The following RYR3 variants were observed in gnomAD, a reference collection of about 807,000 sequenced individuals.
The protein encoded by RYR3 is brain ryanodine receptor-calcium release channel.
In RYR3, 207 loss-of-function variants were observed where a neutral mutation model predicts 584.3. The observed-to-expected ratio is 0.35, with a 90% CI of 0.32 to 0.40. The LOEUF is 0.40. RYR3 is among the 10% of genes least tolerant of loss of function. RYR3 has a pLI of 1.00. For synonymous variants in RYR3, 2,416 were observed against 2,248.5 expected (o/e 1.07, Z -2.11); for missense variants, 5,616 against 6,089.2 (o/e 0.92, Z 2.59).
At chr15:33,865,092 T>G (rs1176738454) in intron 103 of RYR3, 39 bp from the exon 104 acceptor site, 7 of 1,516,364 alleles carry the variant, frequency 4.6e-6, no homozygotes, top group African/African-American at 1.4e-5. Context: ...GCTTTTACTG[T>G]GGTTTAAAAA....
chr15:33,659,293 G>A (rs1014345632), intron 32 of RYR3, among the ~76,000 whole-genome samples: 3 of 152,216 alleles, frequency 2.0e-5, no homozygotes, highest in African/African-American at 7.2e-5. Flanking sequence ...CCCTATCCCA[G>A]TTATCATCTC....
chr15:33,616,007 T>C (rs2060430100), intron 19 of RYR3, among the ~76,000 whole-genome samples: 1 of 152,208 alleles, frequency 6.6e-6, no homozygotes. Context: ...ACAAGGTTAC[T>C]CTGAGTAGTC....
intron 67 of RYR3, among the ~76,000 whole-genome samples, chr15:33,790,244 C>T (rs1189747675): frequency 6.6e-6 from 1 of 151,906 alleles, no homozygotes; most frequent in Non-Finnish European, 1.5e-5. Flanking sequence ...CCACCCACCT[C>T]GACCTCCCAA....
intron 5 of RYR3, among the ~76,000 whole-genome samples, chr15:33,536,858 C>G (rs2055376195): frequency 6.6e-6 from 1 of 152,152 alleles, no homozygotes; most frequent in Non-Finnish European, 1.5e-5. Context: ...GTATTGTTTA[C>G]CACTTGTTTA....
At chr15:33,679,355 A>G (rs1467438388) in intron 38 of RYR3, among the ~76,000 whole-genome samples, 3 of 152,208 alleles carry the variant, frequency 2.0e-5, no homozygotes, top group African/African-American at 4.8e-5. Context: ...CTTACTCACC[A>G]TAGTGAGTAA....
chr15:33,793,435 C>T (rs1264766297), intron 67 of RYR3, among the ~76,000 whole-genome samples: 2 of 152,156 alleles, frequency 1.3e-5, no homozygotes, highest in Non-Finnish European at 2.9e-5. Context: ...TGTGCTTGGT[C>T]TTTCTGGTAA....
Position 33,390,744 on chromosome 15 carries a change from G to A in RYR3, c.51+79648G>A, listed in dbSNP as rs556063575. ...ATGCCGAACACCTGCTTAGTTCTGG[G>A]AATCTAGAAGAGCGGTACTTGCTAG... On this transcript the variant is annotated intron_variant, in intron 1 of 103. Transcript: ENST00000634891. The surrounding 1 kb of genome is among the most constrained non-coding windows in gnomAD (Gnocchi z 4.2). Among the ~76,000 whole-genome samples the A allele has an allele frequency of 6.6e-6, 1 of 152,240 alleles. No homozygotes were observed. Among genetic ancestry groups the A allele is most frequent in the East Asian group, 1.9e-4 (1 of 5,166 alleles).
chr15:33,542,507 A>C (rs1380064931), intron 7 of RYR3, among the ~76,000 whole-genome samples: 1 of 152,184 alleles, frequency 6.6e-6, no homozygotes, highest in Non-Finnish European at 1.5e-5. Context: ...CAGTACAAAA[A>C]GATACAGGAA....
intron 1 of RYR3, among the ~76,000 whole-genome samples, chr15:33,428,892 G>T (rs1054243807): frequency 6.6e-6 from 1 of 152,108 alleles, no homozygotes; most frequent in African/African-American, 2.4e-5. Context: ...AATATACCAG[G>T]TCCCCAAGTG....
intron 1 of RYR3, among the ~76,000 whole-genome samples, chr15:33,322,966 TG>T (rs1300104396): frequency 3.3e-5 from 5 of 150,768 alleles, no homozygotes; most frequent in East Asian, 2.0e-4. Flanking sequence ...GACAAGAGAG[TG>T]GTTAAGAGCT....
intron 1 of RYR3, among the ~76,000 whole-genome samples, chr15:33,425,177 C>T (rs1178388804): frequency 6.6e-6 from 1 of 152,120 alleles, no homozygotes; most frequent in African/African-American, 2.4e-5. Context: ...TGTTGAATAC[C>T]CAGTTGGTGT....
intron 1 of RYR3, among the ~76,000 whole-genome samples, chr15:33,378,201 T>G (rs1490649236): frequency 6.6e-6 from 1 of 152,258 alleles, no homozygotes; most frequent in Non-Finnish European, 1.5e-5. Flanking sequence ...GGCATTACTT[T>G]GAATTTGGAT....
Position 33,351,948 on chromosome 15 carries a change from T to C in RYR3, c.51+40852T>C, listed in dbSNP as rs906992969. On this transcript the variant is annotated intron_variant, in intron 1 of 103. Transcript: ENST00000634891. ...GAGAAGGAAATAAAGGGTATTCAAT[T>C]AGGAAAAAGAAGTCAAATTGTCCCT... 1.4e-4 allele frequency among the ~76,000 whole-genome samples: 21 copies of C among 152,052 alleles called. No homozygotes were observed. The East Asian group carries it at 4.1e-3, about 29-fold the overall frequency.
intron 67 of RYR3, among the ~76,000 whole-genome samples, chr15:33,792,284 G>A (rs998401545): frequency 6.6e-6 from 1 of 152,134 alleles, no homozygotes; most frequent in Non-Finnish European, 1.5e-5. Flanking sequence ...CATTTAGAGA[G>A]GAGAGGTGGA....
chr15:33,693,314 A>G (rs2065585247), intron 38 of RYR3, among the ~76,000 whole-genome samples: 1 of 152,208 alleles, frequency 6.6e-6, no homozygotes. Flanking sequence ...CCACCACTCC[A>G]GCAGCGCCCA....
intron 1 of RYR3, among the ~76,000 whole-genome samples, chr15:33,430,347 G>A (rs772441404): frequency 6.6e-6 from 1 of 152,192 alleles, no homozygotes; most frequent in Non-Finnish European, 1.5e-5. Context: ...GGCACATCGA[G>A]GCTATACATT....
chr15:33,442,372 A>G (rs1348825321), intron 1 of RYR3, among the ~76,000 whole-genome samples: 1 of 152,182 alleles, frequency 6.6e-6, no homozygotes, highest in Non-Finnish European at 1.5e-5. Flanking sequence ...ACCTTTGAGC[A>G]TGTTTGCTTA....
chr15:33,574,002 A>T (rs2058167594), intron 12 of RYR3, among the ~76,000 whole-genome samples: 1 of 152,168 alleles, frequency 6.6e-6, no homozygotes, highest in South Asian at 2.1e-4. Flanking sequence ...AGCAGTGAGA[A>T]CCCAACAGAC....
intron 85 of RYR3, among the ~76,000 whole-genome samples, chr15:33,828,923 A>G (rs1164972813): frequency 7.5e-6 from 1 of 132,602 alleles, no homozygotes; most frequent in Non-Finnish European, 1.8e-5. Flanking sequence ...ATAGTTAGAG[A>G]GGACAAGCCA....
Sources: allele counts gnomAD v4.1 joint callset (sites outside exome capture counted in the v4.1 genomes callset), GRCh38; gene constraint gnomAD v4.1.1; non-coding constraint Gnocchi (gnomAD v3.1); transcripts MANE v1.5; gene names NCBI Gene and HGNC (gene_info 2026-07-23, HGNC 2026-07-21).